SMIM36: variants seen among roughly 807,000 people sequenced by gnomAD.
SMIM36 encodes small integral membrane protein 36.
intron 1 of SMIM36, among the ~76,000 whole-genome samples, chr17:55,494,621 C>T (rs377258910): frequency 2.0e-4 from 30 of 152,014 alleles, no homozygotes; most frequent in East Asian, 1.9e-3. Context: ...TAAGAATATG[C>T]GTATGTGTAT....
intron 4 of SMIM36, among the ~76,000 whole-genome samples, chr17:55,451,872 G>A (rs1038521897): frequency 6.6e-6 from 1 of 152,074 alleles, no homozygotes; most frequent in Non-Finnish European, 1.5e-5. Flanking sequence ...CAAGGCAGGA[G>A]GACCACTTGA....
intron 1 of SMIM36, among the ~76,000 whole-genome samples, chr17:55,486,819 A>C (rs964417010): frequency 6.6e-6 from 1 of 152,250 alleles, no homozygotes; most frequent in Non-Finnish European, 1.5e-5. Context: ...ATTCACACTA[A>C]AATGAGAATA....
At chr17:55,477,873 G>C (rs1157028590) in intron 3 of SMIM36, among the ~76,000 whole-genome samples, 1 of 150,002 alleles carries the variant, frequency 6.7e-6, no homozygotes, top group Non-Finnish European at 1.5e-5. Flanking sequence ...TTTTAAGAGA[G>C]AGAAAAGCTC....
At position 55,450,616 on chromosome 17, in the gene SMIM36, G is replaced by T. The variant is rs933849356; in HGVS notation, c.*532-318C>A. 2.0e-5 allele frequency among the ~76,000 whole-genome samples: 3 copies of T among 152,272 alleles called. No homozygotes were observed. The South Asian group carries it at 6.2e-4, about 32-fold the overall frequency. Reference sequence around the variant, plus strand: ...CCACATTTACACAGTTGCTGAGTGTGAGCCCAGACGTGGAACCCGGGTGCA... The same window carrying T: ...CCACATTTACACAGTTGCTGAGTGTTAGCCCAGACGTGGAACCCGGGTGCA... On this transcript the variant is annotated intron_variant, in intron 4 of 4. Transcript: ENST00000636752.
At chr17:55,491,337 A>G (rs17819224) in intron 1 of SMIM36, among the ~76,000 whole-genome samples, 36,836 of 151,342 alleles carry the variant, frequency 0.24, 5,062 homozygotes, top group Middle Eastern at 0.37. Flanking sequence ...ATGCTACTAG[A>G]GGTCACTTTG....
At chr17:55,465,793 GC>G (rs1239128106) in intron 4 of SMIM36, among the ~76,000 whole-genome samples, 1 of 152,140 alleles carries the variant, frequency 6.6e-6, no homozygotes, top group African/African-American at 2.4e-5. Flanking sequence ...CCCAAACTTG[GC>G]TGTGCAGGAG....
upstream of SMIM36, among the ~76,000 whole-genome samples, chr17:55,515,815 T>C (rs911511586): frequency 1.3e-5 from 2 of 152,228 alleles, no homozygotes; most frequent in African/African-American, 4.8e-5. Flanking sequence ...TTTTAAGTCA[T>C]TCATTTTGTG....
chr17:55,519,562 T>C, the SMIM36 span, among the ~76,000 whole-genome samples: 1 of 151,856 alleles, frequency 6.6e-6, no homozygotes, highest in Non-Finnish European at 1.5e-5. Flanking sequence ...ACCATTAGAG[T>C]GTATAGCAGA....
intron 1 of SMIM36, among the ~76,000 whole-genome samples, chr17:55,492,613 A>T (rs1201137766): frequency 6.9e-6 from 1 of 145,794 alleles, no homozygotes; most frequent in African/African-American, 2.7e-5. Context: ...ACAATTTCTA[A>T]CAAATACACC....
At position 55,492,646 on chromosome 17, in the gene SMIM36, A is replaced by C. The variant is rs1049682092; in HGVS notation, c.*175-13066T>G. Among the ~76,000 whole-genome samples, 6 of 152,172 alleles carry C rather than the reference A, an allele frequency of 3.9e-5. No individual in the cohort carries two copies. In the East Asian group the frequency reaches 1.2e-3, roughly 29 times the overall value. ...ACCCACTTAAAAAAAAAAAAAGAAA[A>C]ACACACACACATCAATTGCTAACTA... On this transcript the variant is annotated intron_variant, in intron 1 of 4. Transcript: ENST00000636752.
intron 1 of SMIM36, among the ~76,000 whole-genome samples, chr17:55,499,295 G>A (rs12450808): frequency 0.097 from 14,769 of 152,072 alleles, 1,001 homozygotes; most frequent in East Asian, 0.25. Context: ...GGAGAGAGAT[G>A]GGGTTGGTGG....
chr17:55,526,325 T>C, the SMIM36 span, among the ~76,000 whole-genome samples: 1 of 151,656 alleles, frequency 6.6e-6, no homozygotes, highest in East Asian at 2.0e-4. Flanking sequence ...TTATTTTTTA[T>C]TTTTTGTATT....
At chr17:55,456,291 A>G (rs1015267926) in intron 4 of SMIM36, among the ~76,000 whole-genome samples, 10 of 151,490 alleles carry the variant, frequency 6.6e-5, no homozygotes, top group Non-Finnish European at 1.5e-4. Context: ...ATAGTTCCAG[A>G]ATGAGGGCTA....
chr17:55,496,674 T>C (rs1032806648), intron 1 of SMIM36, among the ~76,000 whole-genome samples: 1 of 152,194 alleles, frequency 6.6e-6, no homozygotes, highest in Non-Finnish European at 1.5e-5. Flanking sequence ...CCTCTAGTTC[T>C]CAGGAATTGT....
At chr17:55,528,360 T>A in the SMIM36 span, among the ~76,000 whole-genome samples, 1 of 151,932 alleles carries the variant, frequency 6.6e-6, no homozygotes, top group African/African-American at 2.4e-5. Context: ...TCATATAATA[T>A]ATATTTTTAA....
chr17:55,529,807 A>ACAAACAAACAAACAAACAAACAAAC, the SMIM36 span, among the ~76,000 whole-genome samples: 284 of 152,250 alleles, frequency 1.9e-3, 4 homozygotes, highest in African/African-American at 6.5e-3. Flanking sequence ...AAACAAACAA[A>ACAAACAAACAAACAAACAAACAAAC]AAACAAAACA....
intron 1 of SMIM36, among the ~76,000 whole-genome samples, chr17:55,488,787 G>C (rs934831869): frequency 1.3e-5 from 2 of 152,046 alleles, no homozygotes; most frequent in African/African-American, 4.8e-5. Flanking sequence ...TGGACCTGCT[G>C]GGTCAAATGT....
intron 3 of SMIM36, chr17:55,477,228 GA>G (rs1007075681): frequency 2.0e-5 from 3 of 152,214 alleles, no homozygotes; most frequent in African/African-American, 7.2e-5. Flanking sequence ...TCAAACAACA[GA>G]AATGTATTGT....
chr17:55,490,016 AT>A (rs58463133), intron 1 of SMIM36, among the ~76,000 whole-genome samples: 38,723 of 145,072 alleles, frequency 0.27, 5,277 homozygotes, highest in African/African-American at 0.3. Context: ...GCCTGGCAAT[AT>A]TTTTTTTTTT....
Sources: gnomAD v4.1 joint callset for allele counts (sites outside exome capture counted in the v4.1 genomes callset) on GRCh38, gnomAD v4.1.1 for gene constraint, MANE v1.5 for transcripts, NCBI Gene and HGNC (gene_info 2026-07-23, HGNC 2026-07-21) for gene names.